The following SP3 variants were observed in gnomAD, a reference collection of about 807,000 sequenced individuals.
The protein encoded by SP3 is Sp3 transcription factor, also known as transcription factor Sp3.
In SP3, 10 loss-of-function variants were observed where a neutral mutation model predicts 70.3. The observed-to-expected ratio is 0.14, with a 90% confidence interval of 0.09 to 0.24. The LOEUF (loss-of-function observed/expected upper bound fraction) is 0.24. Ranked by LOEUF, SP3 falls within the 10% of genes least tolerant of loss-of-function variation. SP3 has a pLI of 1.00. For synonymous variants in SP3, 402 were observed against 333.5 expected, an observed-to-expected ratio of 1.21 and a Z score of -2.24; for missense variants, 825 against 914.6, an observed-to-expected ratio of 0.90 and a Z score of 1.26.
At position 173,907,771 on chromosome 2, in the gene SP3, A is replaced by G. The variant is rs559661532; in HGVS notation, c.*2170T>C. The G allele has an allele frequency of 7.2e-5, 11 of 152,270 alleles. No homozygotes were observed. The highest frequency in any genetic ancestry group is 5.2e-4 in the Admixed American group (8 of 15,296). 9.4% of individuals were successfully genotyped at this position (152,270 alleles called of 1,614,324 possible). A position where few individuals can be genotyped will look rare whatever the true frequency, so the allele number is the denominator to read the frequency against. On this transcript the variant is annotated 3_prime_UTR_variant, in exon 7 of 7. Coordinates refer to ENST00000310015, the MANE Select transcript of SP3 (RefSeq NM_003111.5). ...AAAAATTCTAAAAATTACCTAAAGGATTTTAAGATTCAAAATCTAATCCCT... is the reference window on the plus strand; with the variant it reads ...AAAAATTCTAAAAATTACCTAAAGGGTTTTAAGATTCAAAATCTAATCCCT...
chr2:173,911,757 ATCTCTG>A (rs1689489473), intron 6 of SP3, among the ~76,000 whole-genome samples: 1 of 149,566 alleles, frequency 6.7e-6, no homozygotes, highest in Non-Finnish European at 1.5e-5. Flanking sequence ...AGCAGTAATT[ATCTCTG>A]TTTCTGAGCC....
intron 1 of SP3, chr2:173,964,944 C>T (rs1691244574): frequency 5.1e-6 from 3 of 584,056 alleles, no homozygotes; most frequent in South Asian, 4.9e-5. Context: ...GGGCCGCCCG[C>T]CCCGGGGCCT....
rs1689212571 is a variant in SP3 at position 173,902,728 on chromosome 2, T to C, written c.*7213A>G. Among the ~76,000 whole-genome samples the C allele has an allele frequency of 6.6e-6, 1 of 152,222 alleles. No individual in the cohort carries two copies. The highest frequency in any genetic ancestry group is 2.1e-4 in the South Asian group (1 of 4,828). ...GAAGGTTTTGTACAGAATGATACCATTTATATGAAGTTTCAAAATCAGAAA... is the reference window on the plus strand; with the variant it reads ...GAAGGTTTTGTACAGAATGATACCACTTATATGAAGTTTCAAAATCAGAAA... On this transcript the variant is annotated 3_prime_UTR_variant, in exon 7 of 7. Coordinates refer to ENST00000310015, the MANE Select transcript of SP3 (RefSeq NM_003111.5).
intron 6 of SP3, among the ~76,000 whole-genome samples, chr2:173,911,231 T>C (rs575158264): frequency 2.6e-5 from 4 of 152,156 alleles, no homozygotes; most frequent in South Asian, 2.1e-4. Context: ...TATTAAGTGA[T>C]ATGGAAATGC....
At position 173,908,736 on chromosome 2, in the gene SP3, T is replaced by C. The variant is rs1689393293; in HGVS notation, c.*1205A>G. The C allele has an allele frequency of 1.3e-5, 2 of 152,408 alleles. No individual in the cohort carries two copies. The highest frequency in any genetic ancestry group is 4.8e-5 in the African/African-American group (2 of 41,432). The allele number at this position is 152,408 out of a possible 1,614,324, so 9.4% of individuals were successfully genotyped here. The stretch of plus-strand genomic sequence containing the variant: ...TCTTACAAGACCAGCAATGTAACTT[T>C]ATTTTGTACATTTTTGAATTGAAAA... On this transcript the variant is annotated 3_prime_UTR_variant, in exon 7 of 7. Coordinates refer to ENST00000310015, the MANE Select transcript of SP3 (RefSeq NM_003111.5).
intron 4 of SP3, among the ~76,000 whole-genome samples, chr2:173,925,511 C>G (rs1362289143): frequency 6.6e-6 from 1 of 152,170 alleles, no homozygotes; most frequent in African/African-American, 2.4e-5. Flanking sequence ...TGTGAATACA[C>G]TTAACATTAC....
intron 4 of SP3, among the ~76,000 whole-genome samples, chr2:173,939,894 G>A (rs1690317037): frequency 2.0e-5 from 3 of 151,686 alleles, no homozygotes; most frequent in Admixed American, 6.6e-5. Context: ...AATGGAAGTT[G>A]TTTTTTAAGA....
chr2:173,954,826 G>A (rs746508734), intron 4 of SP3, 47 bp downstream of exon 4: 90 of 1,569,062 alleles, frequency 5.7e-5, no homozygotes, highest in Non-Finnish European at 7.4e-5. Context: ...TTCCCTCTAT[G>A]TATTATCACT....
chr2:173,942,254 C>T (rs1690393582), intron 4 of SP3, among the ~76,000 whole-genome samples: 2 of 152,176 alleles, frequency 1.3e-5, no homozygotes, highest in South Asian at 4.1e-4. Flanking sequence ...TGAGATCCTA[C>T]AATGCAGTCA....
rs570039046 is a variant in SP3 at position 173,912,919 on chromosome 2, T to C, written c.2029+151A>G. The C allele has an allele frequency of 6.4e-4, 316 of 490,746 alleles. 2 individuals are homozygous for C. In the East Asian group the frequency reaches 9.6e-3, roughly 15 times the overall value. The allele number at this position is 490,746 out of a possible 1,614,324, so 30.4% of individuals were successfully genotyped here. A position where few individuals can be genotyped will look rare whatever the true frequency, so the allele number is the denominator to read the frequency against. ...GACTTGTTCTTTGGAATTTGTGTTATTAAGATGGTGTTACTAAAGGTAAAA... is the reference window on the plus strand; with the variant it reads ...GACTTGTTCTTTGGAATTTGTGTTACTAAGATGGTGTTACTAAAGGTAAAA... On this transcript the variant is annotated intron_variant, in intron 6 of 6. Coordinates refer to ENST00000310015, the MANE Select transcript of SP3 (RefSeq NM_003111.5).
At chr2:173,941,127 TA>T (rs71021605) in intron 4 of SP3, among the ~76,000 whole-genome samples, 5,631 of 92,990 alleles carry the variant, frequency 0.061, 176 homozygotes, top group Admixed American at 0.15. Context: ...ACAACACGAG[TA>T]AAAAAAAAAA....
rs1689408203 is a variant in SP3 at position 173,909,199 on chromosome 2, C to T, written c.*742G>A. ...ACATTCTCTTACCACCCAAATGCCT[C>T]AACTTATACATTTTAAACTTTTTTA... On this transcript the variant is annotated 3_prime_UTR_variant, in exon 7 of 7. Transcript: ENST00000310015. 1 of 152,564 alleles carries T rather than the reference C, an allele frequency of 6.6e-6. No homozygotes were observed. Among genetic ancestry groups the T allele is most frequent in the African/African-American group, 2.4e-5 (1 of 41,454 alleles). 9.5% of individuals were successfully genotyped at this position (152,564 alleles called of 1,614,324 possible).
rs1559098487 is a variant in SP3, at chr2:173,933,637, T to TA, written c.1640-14853_1640-14852insT. Among the ~76,000 whole-genome samples, 71 of 104,632 alleles carry TA rather than the reference T, an allele frequency of 6.8e-4. 1 individual carries two copies. Among genetic ancestry groups the TA allele is most frequent in the Non-Finnish European group, 9.3e-4 (49 of 52,954 alleles). The allele number at this position is 104,632 out of a possible 152,430, so 68.6% of individuals were successfully genotyped here. The stretch of plus-strand genomic sequence containing the variant: ...TACAAATGACTAACATTTATAAAAC[T>TA]TTATATATATATATATATATATATA... On this transcript the variant is annotated intron_variant, in intron 4 of 6. Coordinates refer to ENST00000310015, the MANE Select transcript of SP3 (RefSeq NM_003111.5).
chr2:173,958,739 G>A (rs1690971186), intron 3 of SP3, among the ~76,000 whole-genome samples: 1 of 150,966 alleles, frequency 6.6e-6, no homozygotes, highest in African/African-American at 2.4e-5. Flanking sequence ...ACTACTAGAT[G>A]ATTTATGCCA....
chr2:173,950,131 G>A (rs561735206), intron 4 of SP3, among the ~76,000 whole-genome samples: 8 of 152,166 alleles, frequency 5.3e-5, no homozygotes, highest in Non-Finnish European at 7.4e-5. Flanking sequence ...TCAGCTTGGC[G>A]CCTGATGTTT....
At chr2:173,915,511 T>C (rs1235508183) in intron 5 of SP3, 1 of 152,182 alleles carries the variant, frequency 6.6e-6, no homozygotes, top group Non-Finnish European at 1.5e-5. Context: ...TTTTTATTCT[T>C]GAGTGTCTAA....
At chr2:173,941,995 C>T (rs1690383475) in intron 4 of SP3, among the ~76,000 whole-genome samples, 1 of 152,146 alleles carries the variant, frequency 6.6e-6, no homozygotes, top group African/African-American at 2.4e-5. Context: ...TGGTGGGTTA[C>T]ATTTGATTCT....
intron 4 of SP3, among the ~76,000 whole-genome samples, chr2:173,934,551 A>T (rs1253013241): frequency 6.6e-6 from 1 of 152,188 alleles, no homozygotes; most frequent in East Asian, 1.9e-4. Context: ...ACACCCTTTA[A>T]AGTTAACTTT....
intron 3 of SP3, among the ~76,000 whole-genome samples, chr2:173,959,443 G>A (rs1054817704): frequency 6.6e-6 from 1 of 150,606 alleles, no homozygotes; most frequent in East Asian, 1.9e-4. Context: ...ACGTACAACC[G>A]TGACAGGGCC....
Sources: gnomAD v4.1 joint callset for allele counts (sites outside exome capture counted in the v4.1 genomes callset) on GRCh38, gnomAD v4.1.1 for gene constraint, MANE v1.5 for transcripts, NCBI Gene and HGNC (gene_info 2026-07-23, HGNC 2026-07-21) for gene names.